Variants in ADAM22 observed in about 807,000 individuals in gnomAD.
ADAM22 encodes the protein disintegrin and metalloproteinase domain-containing protein 22.
Under a neutral mutation model 144.6 loss-of-function variants are expected in ADAM22, and 65 were observed. That is an observed-to-expected ratio of 0.45 (90% CI 0.37 to 0.55). The LOEUF (loss-of-function observed/expected upper bound fraction) is 0.55, where lower values mean the gene tolerates loss of function less well. Among genes scored for constraint, ADAM22 ranks in the 20% least tolerant of loss-of-function variants. The probability of loss-of-function intolerance (pLI) is 0.00; values close to 1 mark genes in which losing one functional copy is unlikely to be tolerated. For missense variants in ADAM22, 974 were observed against 1,184.9 expected (o/e 0.82, Z 2.61); for synonymous variants, 391 against 412.6 (o/e 0.95, Z 0.63).
intron 3 of ADAM22, among the ~76,000 whole-genome samples, chr7:88,042,186 A>G (rs184547577): frequency 1.0e-3 from 152 of 152,196 alleles, no homozygotes; most frequent in African/African-American, 3.6e-3. Flanking sequence ...TTTTGAATAC[A>G]TCAGAATCTA....
intron 3 of ADAM22, among the ~76,000 whole-genome samples, chr7:88,073,609 T>A (rs1284218244): frequency 6.6e-6 from 1 of 152,196 alleles, no homozygotes; most frequent in Non-Finnish European, 1.5e-5. Context: ...ACTAAATTAA[T>A]TTAAAGTGCA....
intron 4 of ADAM22, among the ~76,000 whole-genome samples, chr7:88,100,561 G>T (rs1822635390): frequency 6.6e-6 from 1 of 152,206 alleles, no homozygotes; most frequent in Admixed American, 6.5e-5. Flanking sequence ...TACAGTCACA[G>T]GTTATGAGTT....
chr7:88,088,510 GA>G (rs11404353), intron 4 of ADAM22, among the ~76,000 whole-genome samples: 1 of 146,316 alleles, frequency 6.8e-6, no homozygotes, highest in Non-Finnish European at 1.5e-5. Flanking sequence ...TCAATGACAG[GA>G]AAAAAAAAAA....
At chr7:88,181,432 A>C (rs968559746) in intron 27 of ADAM22, 73 bp from the exon 28 acceptor site, 16 of 1,219,700 alleles carry the variant, frequency 1.3e-5, no homozygotes, top group Non-Finnish European at 1.7e-5. Context: ...AATGCTTAGA[A>C]GTTTTGCTTA....
intron 30 of ADAM22, among the ~76,000 whole-genome samples, chr7:88,191,287 AC>A (rs1224512821): frequency 6.6e-6 from 1 of 152,198 alleles, no homozygotes; most frequent in Non-Finnish European, 1.5e-5. Context: ...GGCCATTTGG[AC>A]CCATGGCCAA....
chr7:88,168,846 G>T (rs1843551850), intron 25 of ADAM22, among the ~76,000 whole-genome samples: 1 of 151,986 alleles, frequency 6.6e-6, no homozygotes, highest in Non-Finnish European at 1.5e-5. Context: ...TTCTCCATTT[G>T]GAAGGCCTGC....
chr7:88,149,531 G>T (rs1317743265), intron 18 of ADAM22, among the ~76,000 whole-genome samples: 1 of 152,106 alleles, frequency 6.6e-6, no homozygotes, highest in Non-Finnish European at 1.5e-5. Context: ...AGATAGACAA[G>T]CTAGAGAAAT....
At chr7:88,030,736 C>T (rs965553038) in intron 3 of ADAM22, among the ~76,000 whole-genome samples, 4 of 152,088 alleles carry the variant, frequency 2.6e-5, no homozygotes, top group African/African-American at 9.7e-5. Context: ...GCTTGTTTCC[C>T]CTTTGCCTTC....
At chr7:88,009,497 A>G (rs1031288803) in intron 3 of ADAM22, among the ~76,000 whole-genome samples, 2 of 152,182 alleles carry the variant, frequency 1.3e-5, no homozygotes, top group African/African-American at 4.8e-5. Context: ...TTTGCTGTAT[A>G]TAGAAATCAG....
chr7:88,092,091 ACT>A (rs1445985904), intron 4 of ADAM22, among the ~76,000 whole-genome samples: 1 of 152,122 alleles, frequency 6.6e-6, no homozygotes, highest in Admixed American at 6.6e-5. Flanking sequence ...GAAATATGTT[ACT>A]GTCTTGCACA....
At chr7:88,188,341 C>G (rs920313973) in intron 30 of ADAM22, among the ~76,000 whole-genome samples, 1 of 152,038 alleles carries the variant, frequency 6.6e-6, no homozygotes, top group African/African-American at 2.4e-5. Flanking sequence ...AAATCAGCAC[C>G]CAGGTCTGCC....
chr7:88,031,992 G>C (rs1300064999), intron 3 of ADAM22, among the ~76,000 whole-genome samples: 2 of 152,246 alleles, frequency 1.3e-5, no homozygotes, highest in African/African-American at 4.8e-5. Context: ...CTAGATTTCA[G>C]AGGATGTATA....
At chr7:88,190,104 T>C (rs1849281764) in intron 30 of ADAM22, among the ~76,000 whole-genome samples, 1 of 152,194 alleles carries the variant, frequency 6.6e-6, no homozygotes, top group Non-Finnish European at 1.5e-5. Context: ...GAGGTTGGCC[T>C]TACAGGCATA....
chr7:88,172,036 A>C (rs1300944863), intron 26 of ADAM22, among the ~76,000 whole-genome samples: 1 of 151,778 alleles, frequency 6.6e-6, no homozygotes, highest in Non-Finnish European at 1.5e-5. Flanking sequence ...TGCTGTTGGG[A>C]ATGTTCTAGC....
chr7:88,072,231 T>G (rs1813027995), intron 3 of ADAM22, among the ~76,000 whole-genome samples: 1 of 152,100 alleles, frequency 6.6e-6, no homozygotes, highest in Admixed American at 6.6e-5. Context: ...GAGGCTTGAT[T>G]GAAATAGCTG....
In ADAM22 at chr7:88,190,913, C is replaced by T. The variant is rs193041880; in HGVS notation, c.2751-2203C>T. ...AAAACCTTCCTGCTGGGCTTCTCTT[C>T]CCCTCAGGGTCCAAGATGTCAATTA... is the stretch of plus-strand genomic sequence containing the variant. On this transcript the variant is annotated intron_variant, in intron 30 of 31. Coordinates refer to ENST00000413139, the MANE Select transcript of ADAM22 (RefSeq NM_001324418.2). Among the ~76,000 whole-genome samples the T allele has an allele frequency of 3.9e-4, 60 of 151,980 alleles. 1 individual carries two copies. In the East Asian group the frequency reaches 0.011, roughly 28 times the overall value.
At chr7:88,179,170 A>G in intron 27 of ADAM22, 41 bp downstream of exon 27, 4 of 768,676 alleles carry the variant, frequency 5.2e-6, no homozygotes, top group Non-Finnish European at 8.8e-6. Context: ...GTTAAAAAAT[A>G]GTATCCTTTG....
intron 20 of ADAM22, 23 bp from the exon 21 acceptor site, chr7:88,153,198 T>G: frequency 6.3e-7 from 1 of 1,582,392 alleles, no homozygotes; most frequent in Non-Finnish European, 8.6e-7. Context: ...CCCTCACTGA[T>G]AGAAAATTTT....
At chr7:87,974,827 TC>T (rs1851509939) in intron 2 of ADAM22, among the ~76,000 whole-genome samples, 1 of 152,144 alleles carries the variant, frequency 6.6e-6, no homozygotes, top group South Asian at 2.1e-4. Flanking sequence ...GGAGATTCAT[TC>T]CTTGCCTTTT....
Sources: allele counts gnomAD v4.1 joint callset (sites outside exome capture counted in the v4.1 genomes callset), GRCh38; gene constraint gnomAD v4.1.1; transcripts MANE v1.5; gene names NCBI Gene and HGNC (gene_info 2026-07-23, HGNC 2026-07-21).